The following NALCN variants were observed in gnomAD, a reference collection of about 807,000 sequenced individuals.
NALCN encodes sodium leak channel NALCN.
In NALCN, 111 loss-of-function variants were observed where a neutral mutation model predicts 225.3. The ratio of observed to expected loss-of-function variants is 0.49; its 90% confidence interval spans 0.42 to 0.58. The LOEUF is 0.58. Ranked by LOEUF, NALCN falls within the 20% of genes least tolerant of loss-of-function variation. NALCN has a pLI of 0.00. For synonymous variants in NALCN, 764 were observed against 769.0 expected, an observed-to-expected ratio of 0.99 and a Z score of 0.11; for missense variants, 1,378 against 2,202.4, an observed-to-expected ratio of 0.63 and a Z score of 7.49.
At chr13:101,273,370 T>A (rs1025612443) in intron 10 of NALCN, among the ~76,000 whole-genome samples, 5 of 152,160 alleles carry the variant, frequency 3.3e-5, no homozygotes, top group African/African-American at 1.2e-4. Context: ...GGTTTGGTGC[T>A]AAAAGAGTCA....
intron 42 of NALCN, chr13:101,058,300 C>T: frequency 2.2e-6 from 1 of 450,950 alleles, no homozygotes; most frequent in Non-Finnish European, 3.9e-6. Flanking sequence ...GTAACCCCCA[C>T]TGCTTCGTTC....
intron 12 of NALCN, among the ~76,000 whole-genome samples, chr13:101,237,339 CACTT>C (rs1241260442): frequency 6.6e-6 from 1 of 151,954 alleles, no homozygotes; most frequent in Non-Finnish European, 1.5e-5. Flanking sequence ...GTTGAGCAAA[CACTT>C]AGCCTTATCG....
At chr13:101,221,116 T>C (rs2040920522) in intron 13 of NALCN, among the ~76,000 whole-genome samples, 1 of 152,008 alleles carries the variant, frequency 6.6e-6, no homozygotes, top group Non-Finnish European at 1.5e-5. Flanking sequence ...AACTCCAAAA[T>C]TTAAAAATTT....
chr13:101,144,628 TA>T, intron 16 of NALCN, 131 bp downstream of exon 16: 1 of 748,560 alleles, frequency 1.3e-6, no homozygotes, highest in East Asian at 2.8e-5. Flanking sequence ...GAGGTAGAGG[TA>T]GTAGAAAGAT....
intron 2 of NALCN, 58 bp from the exon 3 acceptor site, chr13:101,395,423 T>C (rs2047263535): frequency 6.5e-7 from 1 of 1,528,652 alleles, no homozygotes; most frequent in African/African-American, 1.4e-5. Context: ...CAAACTTGTA[T>C]TATGAACCAC....
chr13:101,139,836 T>A (rs1349457068), intron 17 of NALCN, among the ~76,000 whole-genome samples: 1 of 152,198 alleles, frequency 6.6e-6, no homozygotes, highest in African/African-American at 2.4e-5. Context: ...GCTTGCCGTA[T>A]TCATAATACA....
At chr13:101,351,113 A>AAATG (rs960703654) in intron 6 of NALCN, among the ~76,000 whole-genome samples, 1 of 152,148 alleles carries the variant, frequency 6.6e-6, no homozygotes. Context: ...TTTTCTGAAT[A>AAATG]AATGAATGAA....
At chr13:101,327,148 G>A (rs499685) in intron 7 of NALCN, among the ~76,000 whole-genome samples, 49,763 of 151,906 alleles carry the variant, frequency 0.33, 8,706 homozygotes, top group Non-Finnish European at 0.41. Flanking sequence ...CCAGAGAAGC[G>A]ACGATTCTTA....
chr13:101,176,463 G>A (rs2038963406), intron 14 of NALCN, 89 bp from the exon 15 acceptor site: 1 of 867,356 alleles, frequency 1.2e-6, no homozygotes. Flanking sequence ...AAAATATATT[G>A]AGTATATAAT....
At chr13:101,369,036 A>G in intron 6 of NALCN, 1 of 346,330 alleles carries the variant, frequency 2.9e-6, no homozygotes, top group Admixed American at 3.6e-5. Flanking sequence ...GATATTATTG[A>G]TAGATTCTTG....
intron 13 of NALCN, among the ~76,000 whole-genome samples, chr13:101,214,291 G>T (rs12877766): frequency 0.22 from 29,852 of 135,782 alleles, 3,284 homozygotes; most frequent in East Asian, 0.4. Context: ...TCCAGGGCCT[G>T]TCATGGGGTG....
At position 101,280,882 on chromosome 13, in the gene NALCN, CTTT is replaced by C. The variant is rs11336005; in HGVS notation, c.1134+3048_1134+3050del. Among the ~76,000 whole-genome samples the C allele has an allele frequency of 3.1e-3, 334 of 108,440 alleles. 3 individuals are homozygous for C. The highest frequency in any genetic ancestry group is 0.012 in the African/African-American group (306 of 26,340). The allele number at this position is 108,440 out of a possible 152,430, so 71.1% of individuals were successfully genotyped here. On this transcript the variant is annotated intron_variant, in intron 10 of 43. Coordinates refer to ENST00000251127, the MANE Select transcript of NALCN (RefSeq NM_052867.4). ...ATTCTTTTCCTCATTCTCTCTCTCT[CTTT>C]TTTTTTTTTTTTTGAGACAGAGTCT...
At chr13:101,135,255 A>G (rs2036726851) in intron 17 of NALCN, among the ~76,000 whole-genome samples, 1 of 152,254 alleles carries the variant, frequency 6.6e-6, no homozygotes, top group African/African-American at 2.4e-5. Context: ...ACAAAAGTAA[A>G]ATACAAAATG....
intron 2 of NALCN, among the ~76,000 whole-genome samples, chr13:101,397,145 A>G (rs1439022724): frequency 1.4e-5 from 2 of 145,840 alleles, no homozygotes; most frequent in Admixed American, 1.4e-4. Flanking sequence ...GTGCATATAC[A>G]CATAGCATGT....
At chr13:101,114,617 C>T (rs146682130) in intron 18 of NALCN, among the ~76,000 whole-genome samples, 270 of 152,194 alleles carry the variant, frequency 1.8e-3, no homozygotes, top group African/African-American at 6.2e-3. Context: ...AACAACCATG[C>T]GATTGAGTGG....
intron 10 of NALCN, among the ~76,000 whole-genome samples, chr13:101,280,512 G>A (rs1016084634): frequency 2.0e-5 from 3 of 152,088 alleles, no homozygotes; most frequent in African/African-American, 7.2e-5. Context: ...TGATAAGGAG[G>A]CTGACTTGCC....
chr13:101,176,594 T>C (rs2038968513), intron 14 of NALCN, among the ~76,000 whole-genome samples: 1 of 152,238 alleles, frequency 6.6e-6, no homozygotes, highest in South Asian at 2.1e-4. Flanking sequence ...ACTTGCTTTA[T>C]GAAACCAACT....
At chr13:101,173,406 C>T (rs1479993924) in intron 15 of NALCN, among the ~76,000 whole-genome samples, 1 of 152,070 alleles carries the variant, frequency 6.6e-6, no homozygotes, top group African/African-American at 2.4e-5. Context: ...GTCCAAATTG[C>T]CTAGGTTCAA....
chr13:101,415,106 T>C (rs1594803607), intron 1 of NALCN, among the ~76,000 whole-genome samples: 2 of 150,542 alleles, frequency 1.3e-5, no homozygotes, highest in East Asian at 3.9e-4. Context: ...AAAAAGCCAG[T>C]CCTGAGATGC....
Sources: gnomAD v4.1 joint callset for allele counts (sites outside exome capture counted in the v4.1 genomes callset) on GRCh38, gnomAD v4.1.1 for gene constraint, MANE v1.5 for transcripts, NCBI Gene and HGNC (gene_info 2026-07-23, HGNC 2026-07-21) for gene names.